ABCA12: variants seen among roughly 807,000 people sequenced by gnomAD.
ABCA12 encodes glucosylceramide transporter ABCA12.
In ABCA12, 156 loss-of-function variants were observed where a neutral mutation model predicts 293.5. The ratio of observed to expected loss-of-function variants is 0.53; its 90% CI spans 0.47 to 0.61. The LOEUF is 0.61. ABCA12 is among the 20% of genes least tolerant of loss of function. The pLI, the probability that ABCA12 is intolerant of heterozygous loss-of-function variation, is 0.00. For synonymous variants in ABCA12, 1,063 were observed against 1,108.0 expected (o/e 0.96, Z 0.81); for missense variants, 2,797 against 3,090.2 (o/e 0.91, Z 2.25).
At chr2:215,100,322 G>A (rs558190476) in intron 2 of ABCA12, among the ~76,000 whole-genome samples, 4 of 152,076 alleles carry the variant, frequency 2.6e-5, no homozygotes, top group Admixed American at 6.6e-5. Context: ...CCAAGATCTC[G>A]ATCATGCCCC....
At chr2:214,994,134 T>C (rs1375743302) in intron 23 of ABCA12, among the ~76,000 whole-genome samples, 1 of 151,986 alleles carries the variant, frequency 6.6e-6, no homozygotes, top group African/African-American at 2.4e-5. Context: ...TGAGAGCATA[T>C]AAGTCATCCA....
chr2:214,992,509 T>C, intron 23 of ABCA12, among the ~76,000 whole-genome samples: 1 of 116,218 alleles, frequency 8.6e-6, no homozygotes, highest in Non-Finnish European at 1.7e-5. Flanking sequence ...CCTATCAACC[T>C]AGTATCCCCC....
chr2:214,994,224 G>A (rs1180110025), intron 23 of ABCA12, among the ~76,000 whole-genome samples: 4 of 151,734 alleles, frequency 2.6e-5, no homozygotes, highest in Non-Finnish European at 4.4e-5. Context: ...CACCGAGAGC[G>A]GCTAGATGTG....
intron 1 of ABCA12, among the ~76,000 whole-genome samples, chr2:215,122,655 C>T (rs893208578): frequency 1.2e-4 from 18 of 152,174 alleles, no homozygotes; most frequent in African/African-American, 4.1e-4. Context: ...ACAGTGTGAT[C>T]CAGTAGCGAA....
chr2:214,939,659 C>T (rs2105913591), intron 50 of ABCA12, among the ~76,000 whole-genome samples: 1 of 152,218 alleles, frequency 6.6e-6, no homozygotes, highest in South Asian at 2.1e-4. Context: ...GTTTGTAGTT[C>T]TCCTTGAAGA....
At chr2:215,121,049 G>A (rs1455680315) in intron 1 of ABCA12, among the ~76,000 whole-genome samples, 1 of 152,184 alleles carries the variant, frequency 6.6e-6, no homozygotes, top group East Asian at 1.9e-4. Context: ...CTTAGATTGT[G>A]TAACATGCTC....
chr2:214,959,943 A>G (rs1458362279), intron 39 of ABCA12, among the ~76,000 whole-genome samples: 1 of 152,156 alleles, frequency 6.6e-6, no homozygotes, highest in African/African-American at 2.4e-5. Flanking sequence ...CACTGAAGAA[A>G]GCTCCTAAAT....
Position 215,011,635 on chromosome 2 carries a change from G to C in ABCA12, c.2136C>G (p.Ser712Arg). The C allele has an allele frequency of 1.2e-6, 2 of 1,613,990 alleles. No homozygotes were observed. The highest frequency in any genetic ancestry group is 1.7e-6 in the Non-Finnish European group (2 of 1,179,922). Residue 712 changes from serine to arginine, a missense_variant, in exon 17 of 53, where the codon AGC becomes AGG. By Grantham distance (110) the Ser-to-Arg change is moderately radical. This residue lies in a region of ABCA12 where 2,130 missense variants were observed against 2,427.0 expected (regional missense o/e 0.88). Coordinates refer to ENST00000272895, the MANE Select transcript of ABCA12 (RefSeq NM_173076.3). The part of the protein sequence containing the change: ...SVPLTQAMYR[S>R]NRMNTPQGSF... ...ATCCTTGTGGTGTGTTCATTCGGTTGCTTCTGTACATTGCCTGTGAGACAA... is the reference window on the plus strand; with the variant it reads ...ATCCTTGTGGTGTGTTCATTCGGTTCCTTCTGTACATTGCCTGTGAGACAA...
intron 2 of ABCA12, among the ~76,000 whole-genome samples, chr2:215,084,018 C>A (rs1450609744): frequency 6.6e-6 from 1 of 152,088 alleles, no homozygotes; most frequent in East Asian, 1.9e-4. Flanking sequence ...TACTGTGTTG[C>A]CCAGGCTGGA....
chr2:215,015,341 A>C (rs1438570655), intron 15 of ABCA12, 149 bp downstream of exon 15: 2 of 785,520 alleles, frequency 2.5e-6, no homozygotes, highest in Non-Finnish European at 4.1e-6. Flanking sequence ...AATGATCTCT[A>C]AGGTTGCATT....
At chr2:215,117,652 G>C (rs1312459879) in intron 1 of ABCA12, among the ~76,000 whole-genome samples, 2 of 152,122 alleles carry the variant, frequency 1.3e-5, no homozygotes, top group African/African-American at 2.4e-5. Context: ...TCTAATTAAT[G>C]CTAGTCTATC....
rs950951273 is a variant in ABCA12 at position 215,078,274 on chromosome 2, A to G, written c.164-14055T>C. 2.0e-5 allele frequency among the ~76,000 whole-genome samples: 3 copies of G among 152,298 alleles called. 1 individual carries two copies. Among genetic ancestry groups the G allele is most frequent in the Non-Finnish European group, 4.4e-5 (3 of 68,016 alleles). On this transcript the variant is annotated intron_variant, in intron 2 of 52. Coordinates refer to ENST00000272895, the MANE Select transcript of ABCA12 (RefSeq NM_173076.3). ...ATAGCCAGGGAAAACAATCCCATTC[A>G]TTCCCCTTGACTCCTACAGCTTTCA...
chr2:215,069,969 G>C (rs1304573419), intron 2 of ABCA12, among the ~76,000 whole-genome samples: 1 of 152,232 alleles, frequency 6.6e-6, no homozygotes, highest in African/African-American at 2.4e-5. Context: ...ATGGGTAGCT[G>C]TAGGAACCCC....
chr2:215,021,118 G>T (rs2106015702), intron 11 of ABCA12, among the ~76,000 whole-genome samples: 1 of 152,282 alleles, frequency 6.6e-6, no homozygotes, highest in South Asian at 2.1e-4. Context: ...CTGAGTGTTG[G>T]AATTACAGAT....
intron 1 of ABCA12, among the ~76,000 whole-genome samples, chr2:215,136,134 C>G (rs766489717): frequency 4.6e-5 from 7 of 152,200 alleles, no homozygotes; most frequent in Non-Finnish European, 1.0e-4. Context: ...CACTTAAGAT[C>G]TGAATCATTC....
intron 50 of ABCA12, among the ~76,000 whole-genome samples, chr2:214,941,269 C>T (rs56313634): frequency 0.12 from 17,957 of 151,858 alleles, 1,442 homozygotes; most frequent in African/African-American, 0.23. Context: ...TGTAGTTGTG[C>T]GGTTTTGAGT....
At chr2:215,085,968 G>T (rs1223713047) in intron 2 of ABCA12, among the ~76,000 whole-genome samples, 2 of 152,186 alleles carry the variant, frequency 1.3e-5, no homozygotes, top group African/African-American at 4.8e-5. Flanking sequence ...AAGAAGTCAG[G>T]ATCTCTGGAT....
At chr2:215,016,613 A>AAAAAAAAAAC (rs1700512044) in intron 14 of ABCA12, among the ~76,000 whole-genome samples, 3 of 140,438 alleles carry the variant, frequency 2.1e-5, no homozygotes, top group South Asian at 2.2e-4. Flanking sequence ...AAAAAAAAAA[A>AAAAAAAAAAC]AGACTTTGCT....
intron 48 of ABCA12, 25 bp downstream of exon 48, chr2:214,947,397 C>T (rs747667327): frequency 1.1e-5 from 17 of 1,613,490 alleles, no homozygotes; most frequent in Non-Finnish European, 1.4e-5. Flanking sequence ...TATGGAGTGG[C>T]CTGTTTAAAT....
Sources: gnomAD v4.1 joint callset for allele counts (sites outside exome capture counted in the v4.1 genomes callset) on GRCh38, gnomAD v4.1.1 for gene constraint, gnomAD v4.1.1 regional missense constraint, MANE v1.5 for transcripts, NCBI Gene and HGNC (gene_info 2026-07-23, HGNC 2026-07-21) for gene names.